Variants in PCP4 observed in about 807,000 individuals in gnomAD.
PCP4 encodes calmodulin regulator protein PCP4.
PCP4 carries 8 observed loss-of-function variants against 10.0 expected under a neutral mutation model. The ratio of observed to expected loss-of-function variants is 0.80; its 90% CI spans 0.47 to 1.45. PCP4 has a LOEUF of 1.45. Ranked by LOEUF, PCP4 falls within the 40% of genes most tolerant of loss-of-function variation. PCP4 has a pLI of 0.00. For missense variants in PCP4, 54 were observed against 74.4 expected (o/e 0.73, Z 1.01); for synonymous variants, 21 against 23.0 (o/e 0.91, Z 0.24).
intron 1 of PCP4, among the ~76,000 whole-genome samples, chr21:39,893,362 CAGTT>C (rs5843986): frequency 0.18 from 27,598 of 152,122 alleles, 3,095 homozygotes; most frequent in Admixed American, 0.28. Flanking sequence ...TCAGAGGAAA[CAGTT>C]AGATGCACAA....
intron 1 of PCP4, among the ~76,000 whole-genome samples, chr21:39,874,725 T>TA (rs201605980): frequency 1.4e-3 from 211 of 150,690 alleles, no homozygotes; most frequent in Non-Finnish European, 2.3e-3. Context: ...TCTAGTATTT[T>TA]AAAAAAAAAC....
rs117062378 is a variant in PCP4, at chr21:39,899,424, A to G, written c.61+897A>G. On this transcript the variant is annotated intron_variant, in intron 2 of 2. Transcript: ENST00000328619. ...ATCAATCAGATTGTGGATAATGCCA[A>G]TCTCAAATACCATCGGTTAAAATTC... Among the ~76,000 whole-genome samples the G allele has an allele frequency of 6.4e-3, 979 of 152,258 alleles. 8 individuals carry two copies. Among genetic ancestry groups the G allele is most frequent in the South Asian group, 0.021 (100 of 4,814 alleles).
At chr21:39,893,743 C>G (rs2087444479) in intron 1 of PCP4, among the ~76,000 whole-genome samples, 2 of 152,300 alleles carry the variant, frequency 1.3e-5, no homozygotes, top group Middle Eastern at 6.8e-3. Flanking sequence ...TTTGAAAGAG[C>G]CCAGTGGTGT....
intron 2 of PCP4, among the ~76,000 whole-genome samples, chr21:39,915,548 G>T (rs1435117237): frequency 1.3e-5 from 2 of 152,194 alleles, no homozygotes; most frequent in Non-Finnish European, 2.9e-5. Context: ...AAGGATTCTG[G>T]AGGTAGATGG....
At position 39,907,514 on chromosome 21, in the gene PCP4, T is replaced by G. The variant is rs138332764; in HGVS notation, c.61+8987T>G. Among the ~76,000 whole-genome samples the G allele has an allele frequency of 2.4e-3, 364 of 152,162 alleles. 2 individuals carry two copies. Among genetic ancestry groups the G allele is most frequent in the African/African-American group, 8.2e-3 (339 of 41,530 alleles). On this transcript the variant is annotated intron_variant, in intron 2 of 2. Transcript: ENST00000328619. Reference sequence around the variant, plus strand: ...TGCAGAGACTAGTAGGTTGCTAGAATTAAGAAATAAAGTCCCTGCGTGGTG... The same window carrying G: ...TGCAGAGACTAGTAGGTTGCTAGAAGTAAGAAATAAAGTCCCTGCGTGGTG...
intron 2 of PCP4, among the ~76,000 whole-genome samples, chr21:39,916,921 G>A (rs1811420252): frequency 6.6e-6 from 1 of 152,146 alleles, no homozygotes; most frequent in African/African-American, 2.4e-5. Context: ...GCATGGGGGA[G>A]AACAATACAC....
At chr21:39,925,686 G>A (rs1036948354) in intron 2 of PCP4, among the ~76,000 whole-genome samples, 1 of 152,160 alleles carries the variant, frequency 6.6e-6, no homozygotes, top group Non-Finnish European at 1.5e-5. Flanking sequence ...AGCAGGCGTG[G>A]CCGAGGGCTT....
chr21:39,890,756 T>C (rs1248365368), intron 1 of PCP4, among the ~76,000 whole-genome samples: 1 of 152,174 alleles, frequency 6.6e-6, no homozygotes, highest in Non-Finnish European at 1.5e-5. Context: ...TTTTGATTAC[T>C]GAGTTTCTTG....
At chr21:39,890,948 C>G (rs2087427471) in intron 1 of PCP4, among the ~76,000 whole-genome samples, 1 of 152,032 alleles carries the variant, frequency 6.6e-6, no homozygotes, top group South Asian at 2.1e-4. Context: ...GTTTGGGATG[C>G]CAGCACATTT....
At chr21:39,918,442 T>A (rs989897656) in intron 2 of PCP4, among the ~76,000 whole-genome samples, 4 of 152,122 alleles carry the variant, frequency 2.6e-5, no homozygotes, top group Non-Finnish European at 5.9e-5. Flanking sequence ...GGCTACCAAA[T>A]TAGGCTTTGT....
intron 2 of PCP4, among the ~76,000 whole-genome samples, chr21:39,913,763 G>A (rs761091475): frequency 3.3e-5 from 5 of 152,152 alleles, no homozygotes; most frequent in Non-Finnish European, 7.3e-5. Flanking sequence ...ACCCCCTTTG[G>A]AGTTGCCAGA....
At chr21:39,928,276 G>T (rs1451785744) in intron 2 of PCP4, among the ~76,000 whole-genome samples, 1 of 152,062 alleles carries the variant, frequency 6.6e-6, no homozygotes, top group Non-Finnish European at 1.5e-5. Context: ...TTTCCGTCTT[G>T]GCTGCACTGG....
chr21:39,869,186 T>A (rs1437028219), intron 1 of PCP4, among the ~76,000 whole-genome samples: 2 of 152,192 alleles, frequency 1.3e-5, no homozygotes, highest in Non-Finnish European at 2.9e-5. Context: ...TCAAGTCAGC[T>A]ACCCTGGGAT....
chr21:39,894,894 T>G (rs1197229735), intron 1 of PCP4, among the ~76,000 whole-genome samples: 1 of 152,162 alleles, frequency 6.6e-6, no homozygotes, highest in African/African-American at 2.4e-5. Flanking sequence ...GGCAGCCTCT[T>G]CCCGAAGATG....
intron 2 of PCP4, among the ~76,000 whole-genome samples, chr21:39,900,387 C>G (rs1568856442): frequency 1.3e-5 from 2 of 152,050 alleles, no homozygotes; most frequent in Non-Finnish European, 2.9e-5. Flanking sequence ...TTGAGGACCC[C>G]AAAGAACTTT....
At chr21:39,921,507 C>T (rs536562097) in intron 2 of PCP4, among the ~76,000 whole-genome samples, 1 of 152,322 alleles carries the variant, frequency 6.6e-6, no homozygotes, top group East Asian at 1.9e-4. Context: ...TTCTGATTCT[C>T]TATGATGCAA....
intron 2 of PCP4, among the ~76,000 whole-genome samples, chr21:39,920,088 GA>G (rs1667903416): frequency 7.2e-6 from 1 of 139,794 alleles, no homozygotes; most frequent in African/African-American, 2.7e-5. Flanking sequence ...TGGTGTGTGT[GA>G]TGTGTGTGTG....
chr21:39,878,953 T>C (rs1207206415), intron 1 of PCP4, among the ~76,000 whole-genome samples: 1 of 152,120 alleles, frequency 6.6e-6, no homozygotes, highest in Non-Finnish European at 1.5e-5. Flanking sequence ...GTGGGATATT[T>C]TACCTCTTCT....
intron 1 of PCP4, among the ~76,000 whole-genome samples, chr21:39,898,045 CAAAA>C (rs780273912): frequency 0.038 from 2,824 of 73,964 alleles, 70 homozygotes; most frequent in African/African-American, 0.13. Flanking sequence ...GACTCAGTCT[CAAAA>C]AAAAAAAAAA....
Sources: gnomAD v4.1 joint callset for allele counts (sites outside exome capture counted in the v4.1 genomes callset) on GRCh38, gnomAD v4.1.1 for gene constraint, MANE v1.5 for transcripts, NCBI Gene and HGNC (gene_info 2026-07-23, HGNC 2026-07-21) for gene names.